CUL1: variants seen among roughly 807,000 people sequenced by gnomAD.
The protein encoded by CUL1 is cullin-1.
A neutral mutation model predicts 118.0 loss-of-function variants in CUL1; 24 were observed. That is an observed-to-expected ratio of 0.20 (90% confidence interval 0.15 to 0.29). The LOEUF (loss-of-function observed/expected upper bound fraction) is 0.29. CUL1 is among the 10% of genes least tolerant of loss of function. CUL1 has a pLI of 1.00. For synonymous variants in CUL1, 332 were observed against 340.4 expected (o/e 0.98, Z 0.27); for missense variants, 361 against 933.8 (o/e 0.39, Z 7.99).
chr7:148,756,014 C>T (rs1192327746), intron 3 of CUL1, among the ~76,000 whole-genome samples: 2 of 152,152 alleles, frequency 1.3e-5, no homozygotes, highest in African/African-American at 4.8e-5. Context: ...GCAGTGCTGC[C>T]ATACAGTACC....
intron 10 of CUL1, 37 bp downstream of exon 10, chr7:148,783,927 T>A (rs1238858458): frequency 6.2e-7 from 1 of 1,613,496 alleles, no homozygotes; most frequent in Admixed American, 1.7e-5. Context: ...CTGTAGTATG[T>A]ATGGATGGGG....
chr7:148,709,407 G>A (rs1039974617), intron 1 of CUL1, among the ~76,000 whole-genome samples: 1 of 152,186 alleles, frequency 6.6e-6, no homozygotes, highest in Non-Finnish European at 1.5e-5. Flanking sequence ...AATGAAGTTT[G>A]TGAGATTCAA....
intron 9 of CUL1, among the ~76,000 whole-genome samples, chr7:148,779,380 G>C (rs376605917): frequency 1.3e-5 from 2 of 152,216 alleles, no homozygotes. Context: ...TTGGGATGGG[G>C]TTTGGGAAGT....
intron 2 of CUL1, among the ~76,000 whole-genome samples, chr7:148,733,441 C>T (rs1451208931): frequency 2.0e-5 from 3 of 152,198 alleles, no homozygotes; most frequent in Non-Finnish European, 4.4e-5. Flanking sequence ...AAGCCATTTA[C>T]GCATAGTACT....
chr7:148,746,146 AG>A (rs1441837437), intron 2 of CUL1, among the ~76,000 whole-genome samples: 1 of 151,862 alleles, frequency 6.6e-6, no homozygotes, highest in Non-Finnish European at 1.5e-5. Flanking sequence ...AATGGTGGGG[AG>A]GGGCAGTGTT....
intron 16 of CUL1, among the ~76,000 whole-genome samples, chr7:148,792,370 A>G (rs1400804890): frequency 6.6e-6 from 1 of 152,208 alleles, no homozygotes; most frequent in Non-Finnish European, 1.5e-5. Flanking sequence ...ACAGATTTGG[A>G]GATTGATGCT....
intron 20 of CUL1, 48 bp downstream of exon 20, chr7:148,798,725 G>C: frequency 6.7e-7 from 1 of 1,503,324 alleles, no homozygotes; most frequent in South Asian, 1.1e-5. Context: ...CTCACGCAGG[G>C]ATGGCTCGCA....
chr7:148,797,896 C>G (rs376907340), intron 18 of CUL1, 37 bp downstream of exon 18: 1 of 1,608,636 alleles, frequency 6.2e-7, no homozygotes, highest in Admixed American at 1.7e-5. Flanking sequence ...CTAGAAGAAG[C>G]CTTTTCCTGA....
intron 1 of CUL1, among the ~76,000 whole-genome samples, chr7:148,699,322 C>T (rs1797633887): frequency 6.6e-6 from 1 of 151,590 alleles, no homozygotes; most frequent in Admixed American, 6.6e-5. Flanking sequence ...CACGATTCAT[C>T]GCGCCTGGAG....
intron 19 of CUL1, 86 bp downstream of exon 19, chr7:148,798,105 C>T (rs1801268997): frequency 1.3e-6 from 1 of 749,210 alleles, no homozygotes; most frequent in East Asian, 2.7e-5. Context: ...TTGTTACAAA[C>T]CAAGGGAGAC....
intron 9 of CUL1, among the ~76,000 whole-genome samples, chr7:148,778,515 TGAA>T (rs1800499433): frequency 6.6e-6 from 1 of 152,188 alleles, no homozygotes; most frequent in African/African-American, 2.4e-5. Flanking sequence ...TAATGTTACT[TGAA>T]GACCAAGTGC....
chr7:148,740,880 C>A (rs1799118835), intron 2 of CUL1, among the ~76,000 whole-genome samples: 2 of 152,162 alleles, frequency 1.3e-5, no homozygotes, highest in Non-Finnish European at 2.9e-5. Context: ...AGAGCCCTCA[C>A]CAGAAACCAA....
intron 2 of CUL1, among the ~76,000 whole-genome samples, chr7:148,746,278 C>T (rs1325961325): frequency 1.3e-5 from 2 of 152,306 alleles, no homozygotes; most frequent in Non-Finnish European, 2.9e-5. Context: ...TTCATTGATT[C>T]GAGTGCATTG....
intron 1 of CUL1, among the ~76,000 whole-genome samples, chr7:148,711,915 G>A (rs1798066793): frequency 1.3e-5 from 2 of 152,350 alleles, no homozygotes; most frequent in South Asian, 2.1e-4. Context: ...GGTTGACTAA[G>A]GGCATCCTTT....
chr7:148,789,888 T>A, intron 15 of CUL1, 62 bp downstream of exon 15: 2 of 1,477,000 alleles, frequency 1.4e-6, no homozygotes, highest in Non-Finnish European at 9.5e-7. Context: ...AGGGCAGCCT[T>A]CACTGTGGAA....
chr7:148,730,128 G>A lies in CUL1; in HGVS notation c.6G>A (p.Ser2=), dbSNP rs770410418. Residue 2 remains serine (S), a synonymous_variant, in exon 2 of 22, where the codon TCG becomes TCA. Transcript: ENST00000325222. ...ACTTTAGAACATCCCTCACAATGTC[G>A]TCAACCCGGAGCCAGAACCCCCACG... is the stretch of plus-strand genomic sequence containing the variant. The part of the protein sequence containing the change: M[S]STRSQNPHGL... 46 of 1,612,954 alleles carry A rather than the reference G, an allele frequency of 2.9e-5. No homozygotes were observed. The highest frequency in any genetic ancestry group is 3.7e-5 in the Non-Finnish European group (44 of 1,179,728).
At chr7:148,740,753 T>A (rs2129459915) in intron 2 of CUL1, among the ~76,000 whole-genome samples, 1 of 152,230 alleles carries the variant, frequency 6.6e-6, no homozygotes, top group East Asian at 1.9e-4. Flanking sequence ...CTTACCCTGA[T>A]AGGATTGGTG....
intron 9 of CUL1, among the ~76,000 whole-genome samples, chr7:148,775,366 T>G (rs146817974): frequency 6.6e-6 from 1 of 152,318 alleles, no homozygotes; most frequent in East Asian, 1.9e-4. Context: ...TAAAGTCAGC[T>G]TACACACACA....
At chr7:148,726,883 T>G (rs1036605816) in intron 1 of CUL1, among the ~76,000 whole-genome samples, 1 of 151,620 alleles carries the variant, frequency 6.6e-6, no homozygotes, top group African/African-American at 2.4e-5. Flanking sequence ...ATGGTTGTCC[T>G]AACCTGTAGT....
Sources: gnomAD v4.1 joint callset for allele counts (sites outside exome capture counted in the v4.1 genomes callset) on GRCh38, gnomAD v4.1.1 for gene constraint, MANE v1.5 for transcripts, NCBI Gene and HGNC (gene_info 2026-07-23, HGNC 2026-07-21) for gene names.